Variants in SI observed in about 807,000 individuals in gnomAD.
SI encodes the protein sucrase-isomaltase.
SI carries 235 observed loss-of-function variants against 253.3 expected under a neutral mutation model. The ratio of observed to expected loss-of-function variants is 0.93; its 90% CI spans 0.83 to 1.03. SI has a LOEUF of 1.03. Ranked by LOEUF, SI falls within the 50% of genes least tolerant of loss-of-function variation. The pLI is 0.00. For missense variants in SI, 2,442 were observed against 2,211.1 expected, an observed-to-expected ratio of 1.10 and a Z score of -2.09; for synonymous variants, 819 against 712.0, an observed-to-expected ratio of 1.15 and a Z score of -2.39.
intron 12 of SI, among the ~76,000 whole-genome samples, chr3:165,058,627 A>G (rs1458414757): frequency 1.3e-5 from 2 of 152,002 alleles, no homozygotes; most frequent in Non-Finnish European, 2.9e-5. Context: ...AATAATTTTT[A>G]GAGGCTACTA....
intron 12 of SI, 74 bp from the exon 13 acceptor site, chr3:165,055,381 G>T: frequency 1.2e-6 from 1 of 813,930 alleles, no homozygotes; most frequent in Non-Finnish European, 2.0e-6. Flanking sequence ...AATTAATAAA[G>T]TTGAGAATAG....
chr3:165,088,632 A>T, the SI span, among the ~76,000 whole-genome samples: 1 of 152,058 alleles, frequency 6.6e-6, no homozygotes, highest in East Asian at 1.9e-4. Context: ...CAGAGTGAAG[A>T]CTCTGTCTCA....
Position 165,047,009 on chromosome 3 carries a change from A to G in SI, c.1719T>C (p.Ala573=). The G allele has an allele frequency of 6.3e-7, 1 of 1,594,130 alleles. No homozygotes were observed. The highest frequency in any genetic ancestry group is 8.6e-7 in the Non-Finnish European group (1 of 1,168,054). The part of the protein sequence containing the change: ...GYSMAIATEQ[A]VQKVFPNKRS... ...TCTTATTAGGAAAAACTTTTTGTAC[A>G]GCTCTAAAAATAAAACCAAATTAAC... The change falls in exon 16 of 48, where the codon GCT becomes GCC. Residue 573 remains alanine (A), a synonymous_variant. Coordinates refer to ENST00000264382, the MANE Select transcript of SI (RefSeq NM_001041.4).
chr3:165,048,584 T>TAGAGAG (rs566703011), intron 15 of SI, among the ~76,000 whole-genome samples: 3,274 of 125,194 alleles, frequency 0.026, 62 homozygotes, highest in Middle Eastern at 0.039. Context: ...TATATATATA[T>TAGAGAG]AGAGAGAGAG....
intron 3 of SI, among the ~76,000 whole-genome samples, chr3:165,072,707 T>C (rs1487992189): frequency 6.6e-6 from 1 of 152,114 alleles, no homozygotes; most frequent in Non-Finnish European, 1.5e-5. Flanking sequence ...ACCACTGTTC[T>C]AATTCCAGTT....
At position 164,982,326 on chromosome 3, in the gene SI, C is replaced by G. The variant is rs140894992; in HGVS notation, c.5332G>C (p.Gly1778Arg). 6.2e-7 allele frequency: 1 copy of G among 1,612,834 alleles called. No individual in the cohort carries two copies. The highest frequency in any genetic ancestry group is 8.5e-7 in the Non-Finnish European group (1 of 1,179,322). The change falls in exon 47 of 48, where the codon GGA (glycine) becomes CGA (arginine). Residue 1778 changes from glycine to arginine, a missense_variant. Physicochemically the swap from Gly to Arg is moderately radical, Grantham distance 125 (BLOSUM62 -2). Transcript: ENST00000264382. ...RLGSLHVWGK[G>R]TTPVNAVTLT... is the part of the protein sequence containing the mutation. ...GTAACTGCATTGACAGGAGTAGTTC[C>G]TTTCCCCCATACATGAAGGGATCCA...
At chr3:165,028,542 C>A (rs1350968565) in intron 25 of SI, among the ~76,000 whole-genome samples, 1 of 151,362 alleles carries the variant, frequency 6.6e-6, no homozygotes, top group African/African-American at 2.4e-5. Context: ...TCAAACTATA[C>A]TATAAAGCCA....
intron 13 of SI, among the ~76,000 whole-genome samples, chr3:165,052,058 A>G (rs1218990231): frequency 6.6e-6 from 1 of 151,988 alleles, no homozygotes; most frequent in African/African-American, 2.4e-5. Context: ...CATGACATTT[A>G]ATATTTTAGT....
chr3:164,982,140 A>C, intron 47 of SI, 103 bp downstream of exon 47: 1 of 821,266 alleles, frequency 1.2e-6, no homozygotes, highest in Non-Finnish European at 2.0e-6. Context: ...AGAATGTCAT[A>C]ATTGACTCAT....
chr3:165,051,755 T>G (rs1713443175), intron 13 of SI, among the ~76,000 whole-genome samples: 1 of 152,070 alleles, frequency 6.6e-6, no homozygotes, highest in Admixed American at 6.6e-5. Flanking sequence ...GAGTTAAATA[T>G]GTGTAAATTT....
In SI at chr3:165,003,846, A is replaced by C. The variant is rs76763014; in HGVS notation, c.4406+2970T>G. On this transcript the variant is annotated intron_variant, in intron 37 of 47. Coordinates refer to ENST00000264382, the MANE Select transcript of SI (RefSeq NM_001041.4). ...AAATATAAAAAGCAAGAAATCAAAT[A>C]ACACCAGAGAAAAGGGAAATAAGAA... Among the ~76,000 whole-genome samples, 571 of 152,204 alleles carry C rather than the reference A, an allele frequency of 3.8e-3. 4 individuals carry two copies. The highest frequency in any genetic ancestry group is 0.013 in the African/African-American group (540 of 41,550).
At chr3:165,057,701 G>GAA (rs368533043) in intron 12 of SI, among the ~76,000 whole-genome samples, 5 of 123,806 alleles carry the variant, frequency 4.0e-5, no homozygotes, top group Admixed American at 1.6e-4. Flanking sequence ...ATGCTGTAGA[G>GAA]AAAAAAAAAA....
At chr3:165,064,386 T>C (rs550460056) in intron 7 of SI, among the ~76,000 whole-genome samples, 2 of 152,220 alleles carry the variant, frequency 1.3e-5, no homozygotes, top group South Asian at 2.1e-4. Flanking sequence ...CGATTATAGA[T>C]AGTGATGCTG....
At chr3:164,989,833 T>C (rs961983509) in intron 44 of SI, among the ~76,000 whole-genome samples, 1 of 152,168 alleles carries the variant, frequency 6.6e-6, no homozygotes, top group Non-Finnish European at 1.5e-5. Flanking sequence ...TCAAATTGAA[T>C]GTTACATACT....
At chr3:165,058,865 C>CACACACACACAT in intron 12 of SI, 98 bp downstream of exon 12, 1 of 891,318 alleles carries the variant, frequency 1.1e-6, no homozygotes, top group Non-Finnish European at 1.8e-6. Context: ...GACATACACA[C>CACACACACACAT]ACACACACAC....
chr3:165,043,760 A>G (rs543012296), intron 16 of SI, among the ~76,000 whole-genome samples: 92 of 152,160 alleles, frequency 6.0e-4, no homozygotes, highest in African/African-American at 2.0e-3. Context: ...GTAAGTATAT[A>G]TGTATCTATA....
chr3:165,054,874 T>C (rs1713618467), intron 13 of SI, among the ~76,000 whole-genome samples: 1 of 152,152 alleles, frequency 6.6e-6, no homozygotes, highest in Non-Finnish European at 1.5e-5. Context: ...TGCAATAGGC[T>C]TATCACCAAA....
rs890268768 is a variant in SI, at chr3:165,049,147, G to T, written c.1695C>A (p.Ser565Arg). The T allele has an allele frequency of 1.3e-6, 2 of 1,588,854 alleles. No individual in the cohort carries two copies. The highest frequency in any genetic ancestry group is 2.7e-5 in the African/African-American group (2 of 74,542). Reference protein sequence around the residue: ...QYDVHSLYGYSMAIATEQAVQ... With the variant: ...QYDVHSLYGYRMAIATEQAVQ... ...CTTACTGCTCTGTGGCTATAGCCAT[G>T]CTGTATCCATAGAGGCTATGAACAT... The change falls in exon 15 of 48, where the codon AGC becomes AGA. Residue 565 changes from serine to arginine, a missense_variant. By Grantham distance (110) the Ser-to-Arg change is moderately radical. Transcript: ENST00000264382.
chr3:164,998,979 A>G (rs1456218195), intron 37 of SI, among the ~76,000 whole-genome samples: 2 of 151,828 alleles, frequency 1.3e-5, no homozygotes, highest in African/African-American at 4.8e-5. Context: ...AATTCATCAC[A>G]TTGAGCTTTT....
Sources: gnomAD v4.1 joint callset for allele counts (sites outside exome capture counted in the v4.1 genomes callset) on GRCh38, gnomAD v4.1.1 for gene constraint, MANE v1.5 for transcripts, NCBI Gene and HGNC (gene_info 2026-07-23, HGNC 2026-07-21) for gene names.